PANK1: variants seen among roughly 807,000 people sequenced by gnomAD.
The protein encoded by PANK1 is pantothenic acid kinase 1.
A neutral mutation model predicts 40.1 loss-of-function variants in PANK1; 18 were observed. The observed-to-expected ratio is 0.45, with a 90% CI of 0.31 to 0.67. PANK1 has a LOEUF of 0.67. Ranked by LOEUF, PANK1 falls within the 30% of genes least tolerant of loss-of-function variation. The pLI, the probability that PANK1 is intolerant of heterozygous loss-of-function variation, is 0.06. For synonymous variants in PANK1, 242 were observed against 237.7 expected (o/e 1.02, Z -0.17); for missense variants, 457 against 599.6 (o/e 0.76, Z 2.48).
At chr10:89,637,793 A>G (rs1841863875) in intron 1 of PANK1, among the ~76,000 whole-genome samples, 1 of 152,234 alleles carries the variant, frequency 6.6e-6, no homozygotes, top group Non-Finnish European at 1.5e-5. Context: ...TTTACTTTAT[A>G]AACTTTCTAA....
chr10:89,585,290 C>T (rs1015376518), intron 6 of PANK1, among the ~76,000 whole-genome samples: 5 of 152,176 alleles, frequency 3.3e-5, no homozygotes, highest in Non-Finnish European at 7.3e-5. Flanking sequence ...GACTTAATCA[C>T]CTCCCAAAGG....
At chr10:89,615,915 A>C (rs945704087) in intron 1 of PANK1, among the ~76,000 whole-genome samples, 1 of 152,200 alleles carries the variant, frequency 6.6e-6, no homozygotes, top group African/African-American at 2.4e-5. Flanking sequence ...TAGTGCAGCT[A>C]TGATCCATGA....
chr10:89,642,042 T>G (rs887232041), intron 1 of PANK1, among the ~76,000 whole-genome samples: 12 of 152,144 alleles, frequency 7.9e-5, no homozygotes, highest in Non-Finnish European at 1.3e-4. Context: ...AGTAAGTAGA[T>G]AGTCTAAGAA....
downstream of PANK1, chr10:89,581,121 G>A (rs190271453): frequency 6.0e-3 from 913 of 151,152 alleles, 7 homozygotes; most frequent in South Asian, 0.012. Context: ...ATAAATGATT[G>A]AATGGCACTT....
chr10:89,632,729 A>G (rs777436366), intron 1 of PANK1, among the ~76,000 whole-genome samples: 1 of 152,198 alleles, frequency 6.6e-6, no homozygotes, highest in Non-Finnish European at 1.5e-5. Flanking sequence ...TGCTTGGTCT[A>G]CCTGCTGGGT....
At chr10:89,589,490 T>G (rs1002324360) in intron 5 of PANK1, among the ~76,000 whole-genome samples, 1 of 152,154 alleles carries the variant, frequency 6.6e-6, no homozygotes, top group African/African-American at 2.4e-5. Flanking sequence ...CCCCGAGATA[T>G]TTCTTAAGCT....
intron 1 of PANK1, among the ~76,000 whole-genome samples, chr10:89,633,935 G>C (rs1183673882): frequency 6.6e-6 from 1 of 152,098 alleles, no homozygotes; most frequent in African/African-American, 2.4e-5. Context: ...GGTCACATGG[G>C]TAGAATCTGG....
At chr10:89,629,631 T>C (rs1305855631) in intron 1 of PANK1, among the ~76,000 whole-genome samples, 1 of 152,222 alleles carries the variant, frequency 6.6e-6, no homozygotes, top group Non-Finnish European at 1.5e-5. Context: ...TCACATCTAA[T>C]GTAAAGTTAA....
At chr10:89,588,552 T>A in intron 6 of PANK1, 100 bp downstream of exon 6, 1 of 898,450 alleles carries the variant, frequency 1.1e-6, no homozygotes, top group Non-Finnish European at 1.6e-6. Context: ...TGGCAACTTT[T>A]CTACTTGACC....
chr10:89,604,609 G>A (rs1431996910), intron 2 of PANK1, among the ~76,000 whole-genome samples: 7 of 145,366 alleles, frequency 4.8e-5, no homozygotes, highest in Non-Finnish European at 1.0e-4. Flanking sequence ...TAGGAGAATC[G>A]CCTGAACCCA....
rs1349859584 is a variant in PANK1, at chr10:89,644,828, T to C, written c.64A>G (p.Thr22Ala). Residue 22 changes from threonine to alanine, a missense_variant, in exon 1 of 7, where the codon ACC (threonine) becomes GCC (alanine). Thr to Ala is a moderately conservative substitution (Grantham distance 58). This residue lies in a region of PANK1 where 144 missense variants were observed against 131.2 expected (regional missense o/e 1.10). Transcript: ENST00000307534. ...VPHSPGAPVG[T>A]SAAAVNGLLH... ...AGCCCGTTCACAGCGGCGGCGCTGG[T>C]GCCCACGGGGGCCCCTGGAGAGTGC... is the stretch of plus-strand genomic sequence containing the variant. 13 of 1,456,172 alleles carry C rather than the reference T, an allele frequency of 8.9e-6. No individual in the cohort carries two copies. In the South Asian group the frequency reaches 1.9e-4, roughly 21 times the overall value. 90.2% of individuals were successfully genotyped at this position (1,456,172 alleles called of 1,614,324 possible). A position where few individuals can be genotyped will look rare whatever the true frequency, so the allele number is the denominator to read the frequency against.
chr10:89,622,843 A>C (rs1845533424), intron 1 of PANK1, among the ~76,000 whole-genome samples: 1 of 152,168 alleles, frequency 6.6e-6, no homozygotes, highest in Non-Finnish European at 1.5e-5. Flanking sequence ...TTCCAAAAAA[A>C]AAAAAAACTT....
chr10:89,640,905 T>G (rs1366150102), intron 1 of PANK1, among the ~76,000 whole-genome samples: 1 of 152,254 alleles, frequency 6.6e-6, no homozygotes, highest in Non-Finnish European at 1.5e-5. Context: ...ATGTTGAAAC[T>G]CACTTACTGG....
At chr10:89,627,997 C>T (rs1841523892) in intron 1 of PANK1, among the ~76,000 whole-genome samples, 1 of 152,108 alleles carries the variant, frequency 6.6e-6, no homozygotes, top group South Asian at 2.1e-4. Context: ...GACTTAAAAC[C>T]CACTAAGATG....
chr10:89,588,619 A>T (rs1364911479), intron 6 of PANK1, 33 bp downstream of exon 6: 1 of 1,546,016 alleles, frequency 6.5e-7, no homozygotes, highest in Non-Finnish European at 8.7e-7. Flanking sequence ...TATACTCCAC[A>T]TATGACAGTA....
intron 6 of PANK1, among the ~76,000 whole-genome samples, chr10:89,585,492 TTGCTGC>T (rs924301429): frequency 6.6e-6 from 1 of 152,180 alleles, no homozygotes; most frequent in East Asian, 1.9e-4. Flanking sequence ...GGATGGATCT[TTGCTGC>T]TGCTGCTGCT....
At chr10:89,607,768 T>G (rs1163823706) in intron 2 of PANK1, among the ~76,000 whole-genome samples, 1 of 152,214 alleles carries the variant, frequency 6.6e-6, no homozygotes, top group East Asian at 1.9e-4. Context: ...GCTTGGTTAT[T>G]TAAAACAAAA....
chr10:89,596,552 T>C (rs1844614478), intron 3 of PANK1, among the ~76,000 whole-genome samples: 1 of 152,212 alleles, frequency 6.6e-6, no homozygotes, highest in Admixed American at 6.5e-5. Context: ...GCCAAATGTC[T>C]CCCAGCACTT....
At chr10:89,599,062 A>C in intron 3 of PANK1, 190 bp downstream of exon 3, 1 of 569,886 alleles carries the variant, frequency 1.8e-6, no homozygotes, top group South Asian at 2.5e-5. Flanking sequence ...TCAAGGCAAG[A>C]ACTGTTTTAT....
Sources: gnomAD v4.1 joint callset for allele counts (sites outside exome capture counted in the v4.1 genomes callset) on GRCh38, gnomAD v4.1.1 for gene constraint, gnomAD v4.1.1 regional missense constraint, MANE v1.5 for transcripts, NCBI Gene and HGNC (gene_info 2026-07-23, HGNC 2026-07-21) for gene names.